The following TUT4 variants were observed in gnomAD, a reference collection of about 807,000 sequenced individuals.
The protein encoded by TUT4 is terminal uridylyl transferase 4.
In TUT4, 36 loss-of-function variants were observed where a neutral mutation model predicts 192.2. That is an observed-to-expected ratio of 0.19 (90% CI 0.14 to 0.25). The LOEUF (loss-of-function observed/expected upper bound fraction) is 0.25. Ranked by LOEUF, TUT4 falls within the 10% of genes least tolerant of loss-of-function variation. The probability of loss-of-function intolerance (pLI) is 1.00; values close to 1 mark genes in which losing one functional copy is unlikely to be tolerated. For missense variants in TUT4, 1,493 were observed against 1,957.2 expected (o/e 0.76, Z 4.47); for synonymous variants, 618 against 666.0 (o/e 0.93, Z 1.11).
chr1:52,476,400 A>C (rs1417811724), intron 12 of TUT4, among the ~76,000 whole-genome samples: 1 of 152,168 alleles, frequency 6.6e-6, no homozygotes, highest in Admixed American at 6.5e-5. Context: ...CTGCATCCTT[A>C]TTATTAATAA....
chr1:52,507,832 A>G (rs776999596), intron 4 of TUT4, among the ~76,000 whole-genome samples: 7 of 151,954 alleles, frequency 4.6e-5, no homozygotes, highest in Non-Finnish European at 8.8e-5. Flanking sequence ...TTTTTTTGTG[A>G]TAGAGTCTCG....
At chr1:52,542,086 A>G (rs2149680002) in intron 1 of TUT4, among the ~76,000 whole-genome samples, 1 of 152,344 alleles carries the variant, frequency 6.6e-6, no homozygotes, top group South Asian at 2.1e-4. Flanking sequence ...ATATGAAAGA[A>G]GCCAGTCACA....
intron 3 of TUT4, among the ~76,000 whole-genome samples, chr1:52,514,013 G>C (rs1204768333): frequency 6.6e-6 from 1 of 152,126 alleles, no homozygotes; most frequent in African/African-American, 2.4e-5. Context: ...TACCAGGTAG[G>C]TCAATCTTTA....
chr1:52,502,021 G>T (rs1346066698), intron 4 of TUT4, among the ~76,000 whole-genome samples: 1 of 151,976 alleles, frequency 6.6e-6, no homozygotes, highest in African/African-American at 2.4e-5. Context: ...TCTGAATGAA[G>T]GTGGACAGTG....
At chr1:52,542,967 C>G (rs1265984346) in intron 1 of TUT4, among the ~76,000 whole-genome samples, 1 of 152,098 alleles carries the variant, frequency 6.6e-6, no homozygotes, top group African/African-American at 2.4e-5. Flanking sequence ...GTTCGTCAGG[C>G]TGGTCTCGAA....
chr1:52,431,988 C>T (rs1652241884), intron 27 of TUT4: 1 of 152,464 alleles, frequency 6.6e-6, no homozygotes, highest in Non-Finnish European at 1.5e-5. Context: ...TCCAGGACCC[C>T]CACAATCCTG....
rs1241431818 is a variant in TUT4 at position 52,527,829 on chromosome 1, T to A, written c.-93-1456A>T. Among the ~76,000 whole-genome samples, 3 of 152,074 alleles carry A rather than the reference T, an allele frequency of 2.0e-5. No individual in the cohort carries two copies. The East Asian group carries it at 5.8e-4, about 29-fold the overall frequency. ...GCTATGCATGTGTGGATGCAGGGTA[T>A]ATATGGCAACTTTGCACTTTCTGCT... On this transcript the variant is annotated intron_variant, in intron 1 of 29. Transcript: ENST00000257177.
intron 1 of TUT4, among the ~76,000 whole-genome samples, chr1:52,551,686 G>GCACA (rs148407689): frequency 9.9e-5 from 15 of 151,788 alleles, no homozygotes; most frequent in African/African-American, 1.5e-4. Flanking sequence ...GCTCGCGCGC[G>GCACA]CACACACACA....
At chr1:52,463,624 T>A in intron 16 of TUT4, 1 of 1,299,686 alleles carries the variant, frequency 7.7e-7, no homozygotes, top group Non-Finnish European at 1.0e-6. Flanking sequence ...TTTTGAAACA[T>A]AAATAACAAT....
Position 52,475,391 on chromosome 1 carries a change from T to C in TUT4, c.2168A>G (p.Lys723Arg), listed in dbSNP as rs371367605. 1.5e-5 allele frequency: 24 copies of C among 1,614,158 alleles called. No homozygotes were observed. Among genetic ancestry groups the C allele is most frequent in the Non-Finnish European group, 1.9e-5 (23 of 1,180,032 alleles). Residue 723 changes from lysine (K) to arginine (R), a missense_variant, in exon 13 of 30, where the codon AAG (lysine) becomes AGG (arginine). Lys to Arg is a conservative substitution (Grantham distance 26, BLOSUM62 2). This residue lies in a region of TUT4 where 245 missense variants were observed against 218.4 expected (regional missense o/e 1.12). Coordinates refer to ENST00000257177, the MANE Select transcript of TUT4 (RefSeq NM_001009881.3). ...KGGNKSTVDFKKREKGKISNK... is the reference protein window; with the variant it reads ...KGGNKSTVDFRKREKGKISNK... ...GCTTATTTTCCCCTTCTCTCTTTTCTTGAAATCCACTGTAGACTTATTTCC... is the reference window on the plus strand; with the variant it reads ...GCTTATTTTCCCCTTCTCTCTTTTCCTGAAATCCACTGTAGACTTATTTCC...
chr1:52,481,190 T>C lies in TUT4; in HGVS notation c.1848+233A>G, dbSNP rs567013632. ...CCTTGTCTAGATGAAAAATGACAGATTTATCTTGACATGATTCAAACAACA... is the reference window on the plus strand; with the variant it reads ...CCTTGTCTAGATGAAAAATGACAGACTTATCTTGACATGATTCAAACAACA... On this transcript the variant is annotated intron_variant, in intron 11 of 29. Coordinates refer to ENST00000257177, the MANE Select transcript of TUT4 (RefSeq NM_001009881.3). Among the ~76,000 whole-genome samples the C allele has an allele frequency of 2.6e-5, 4 of 152,222 alleles. No homozygotes were observed. In the South Asian group the frequency reaches 6.2e-4, roughly 24 times the overall value.
At chr1:52,511,498 A>G (rs1432052493) in intron 3 of TUT4, among the ~76,000 whole-genome samples, 2 of 152,198 alleles carry the variant, frequency 1.3e-5, no homozygotes, top group Admixed American at 6.5e-5. Context: ...GACAGGTAAT[A>G]AACAAATGCA....
intron 21 of TUT4, 51 bp downstream of exon 21, chr1:52,446,539 C>T: frequency 3.2e-6 from 5 of 1,557,714 alleles, no homozygotes; most frequent in South Asian, 1.2e-5. Context: ...TATACAGATG[C>T]TAACATATAT....
At chr1:52,456,411 CAAAAAAAAAAAAAAA>C (rs1157223640) in intron 20 of TUT4, among the ~76,000 whole-genome samples, 1 of 11,998 alleles carries the variant, frequency 8.3e-5, no homozygotes, top group Non-Finnish European at 2.2e-4. Context: ...GACTGTGTCT[CAAAAAAAAAAAAAAA>C]AAAAAAAAAA....
chr1:52,452,501 G>A (rs1557694418), intron 20 of TUT4, among the ~76,000 whole-genome samples: 1 of 152,182 alleles, frequency 6.6e-6, no homozygotes. Flanking sequence ...CAACCTTTGG[G>A]GAGCGGAGAA....
Sources: allele counts gnomAD v4.1 joint callset (sites outside exome capture counted in the v4.1 genomes callset), GRCh38; gene constraint gnomAD v4.1.1; regional missense constraint gnomAD v4.1.1; transcripts MANE v1.5; gene names NCBI Gene and HGNC (gene_info 2026-07-23, HGNC 2026-07-21).